Variants in PPP1CB observed in about 807,000 individuals in gnomAD.
The protein encoded by PPP1CB is serine/threonine-protein phosphatase PP1-beta catalytic subunit.
In PPP1CB, 2 loss-of-function variants were observed where a neutral mutation model predicts 43.7. The observed-to-expected ratio is 0.05, with a 90% confidence interval of 0.02 to 0.14. The LOEUF (loss-of-function observed/expected upper bound fraction) is 0.14, where lower values mean the gene tolerates loss of function less well. Ranked by LOEUF, PPP1CB falls within the 10% of genes least tolerant of loss-of-function variation. The pLI is 1.00. For missense variants in PPP1CB, 84 were observed against 398.0 expected, an observed-to-expected ratio of 0.21 and a Z score of 6.71; for synonymous variants, 136 against 135.6, an observed-to-expected ratio of 1.00 and a Z score of -0.02.
chr2:28,764,024 A>G (rs1370467688), intron 1 of PPP1CB, among the ~76,000 whole-genome samples: 1 of 152,072 alleles, frequency 6.6e-6, no homozygotes, highest in African/African-American at 2.4e-5. Context: ...GTTAACAGGC[A>G]GTCCTAAGAT....
At chr2:28,772,866 C>T (rs1260196986) in intron 1 of PPP1CB, among the ~76,000 whole-genome samples, 1 of 152,148 alleles carries the variant, frequency 6.6e-6, no homozygotes, top group African/African-American at 2.4e-5. Flanking sequence ...TTTTGGATTT[C>T]AGATTAGGGA....
At position 28,800,226 on chromosome 2, in the gene PPP1CB, C is replaced by CTTTCTTTCTTTTTTTTTTTTTTTTTTT; in HGVS notation, c.*926_*927insCTTTCTTTTTTTTTTTTTTTTTTTTTT. On this transcript the variant is annotated 3_prime_UTR_variant, in exon 8 of 8. Coordinates refer to ENST00000395366, the MANE Select transcript of PPP1CB (RefSeq NM_002709.3). ...TTGGTTTTCTTTTTCTTTTTTCTTT[C>CTTTCTTTCTTTTTTTTTTTTTTTTTTT]TTTTTTTTTTTTTTTTTTTTTTTGA... 1.5e-5 allele frequency: 1 copy of CTTTCTTTCTTTTTTTTTTTTTTTTTTT among 65,628 alleles called. No homozygotes were observed. The highest frequency in any genetic ancestry group is 2.7e-5 in the Non-Finnish European group (1 of 36,888). 4.1% of individuals were successfully genotyped at this position (65,628 alleles called of 1,614,324 possible).
At chr2:28,793,383 G>T (rs190808289) in intron 6 of PPP1CB, among the ~76,000 whole-genome samples, 1 of 128,992 alleles carries the variant, frequency 7.8e-6, no homozygotes, top group Non-Finnish European at 1.8e-5. Flanking sequence ...TAAGCTCTTC[G>T]CAAAGTCGTT....
At chr2:28,757,727 A>T (rs1015900974) in intron 1 of PPP1CB, among the ~76,000 whole-genome samples, 5 of 152,148 alleles carry the variant, frequency 3.3e-5, no homozygotes, top group Non-Finnish European at 5.9e-5. Context: ...TGATTCAGAG[A>T]TTAGGTGTTT....
intron 2 of PPP1CB, 167 bp downstream of exon 2, chr2:28,777,149 G>T: frequency 1.6e-6 from 1 of 609,420 alleles, no homozygotes; most frequent in Non-Finnish European, 2.6e-6. Context: ...ACAAGTTACA[G>T]ACAAGATGAA....
chr2:28,787,988 T>TA (rs1491013296), intron 5 of PPP1CB, among the ~76,000 whole-genome samples: 18 of 151,080 alleles, frequency 1.2e-4, no homozygotes, highest in Middle Eastern at 3.4e-3. Context: ...CTTCCACATT[T>TA]AAAAAAAAAT....
In PPP1CB at chr2:28,800,833, ATCGTCT is replaced by A. The variant is rs1667599669; in HGVS notation, c.*1532_*1537del. The A allele has an allele frequency of 6.6e-6, 1 of 152,530 alleles. No homozygotes were observed. Among genetic ancestry groups the A allele is most frequent in the South Asian group, 2.1e-4 (1 of 4,830 alleles). The allele number at this position is 152,530 out of a possible 1,614,324, so 9.4% of individuals were successfully genotyped here. A position where few individuals can be genotyped will look rare whatever the true frequency, so the allele number is the denominator to read the frequency against. ...TAGATGTGACATTTTTGACCTTAAT[ATCGTCT>A]TTGAAAATGTTAAATTGAGAAACCT... On this transcript the variant is annotated 3_prime_UTR_variant, in exon 8 of 8. Coordinates refer to ENST00000395366, the MANE Select transcript of PPP1CB (RefSeq NM_002709.3).
chr2:28,774,321 C>G (rs983813345), intron 1 of PPP1CB, among the ~76,000 whole-genome samples: 4 of 152,220 alleles, frequency 2.6e-5, no homozygotes, highest in African/African-American at 4.8e-5. Context: ...AACTAATACA[C>G]AGTAGACTCT....
intron 1 of PPP1CB, among the ~76,000 whole-genome samples, chr2:28,767,711 T>C (rs1572450542): frequency 6.6e-6 from 1 of 152,232 alleles, no homozygotes; most frequent in African/African-American, 2.4e-5. Flanking sequence ...CATTAAACTT[T>C]ATGGCCACCA....
At chr2:28,770,610 T>A (rs1396500788) in intron 1 of PPP1CB, among the ~76,000 whole-genome samples, 1 of 152,108 alleles carries the variant, frequency 6.6e-6, no homozygotes, top group Admixed American at 6.5e-5. Flanking sequence ...TGACAACTAT[T>A]ATAAAAAGTT....
intron 5 of PPP1CB, 100 bp downstream of exon 5, chr2:28,784,078 AAG>A (rs1301162063): frequency 6.8e-6 from 6 of 878,124 alleles, no homozygotes; most frequent in Non-Finnish European, 1.1e-5. Context: ...TAATAAATAA[AAG>A]AGCTTTTTTC....
chr2:28,796,625 G>A (rs1667502608), intron 7 of PPP1CB, among the ~76,000 whole-genome samples: 1 of 152,068 alleles, frequency 6.6e-6, no homozygotes. Context: ...CATTGATTTT[G>A]TATCCTGAAA....
chr2:28,794,678 G>A (rs571089796), intron 7 of PPP1CB, among the ~76,000 whole-genome samples: 4 of 152,052 alleles, frequency 2.6e-5, no homozygotes, highest in South Asian at 2.1e-4. Flanking sequence ...GCGACAGAGC[G>A]AGACTTGGCC....
chr2:28,782,432 A>G (rs1270532392), intron 4 of PPP1CB: 1 of 152,694 alleles, frequency 6.5e-6, no homozygotes, highest in Non-Finnish European at 1.5e-5. Context: ...CCTGTTGCTA[A>G]GATACATTTA....
intron 1 of PPP1CB, among the ~76,000 whole-genome samples, chr2:28,764,367 G>A (rs1360990751): frequency 6.6e-6 from 1 of 151,512 alleles, no homozygotes; most frequent in East Asian, 2.0e-4. Context: ...GGCTGAGGCA[G>A]GAGAATGGCG....
rs1666319057 is a variant in PPP1CB at position 28,752,251 on chromosome 2, G to A, written c.52+75G>A. 5.3e-6 allele frequency: 7 copies of A among 1,312,800 alleles called. 1 individual carries two copies. In the African/African-American group the frequency reaches 9.2e-5, roughly 17 times the overall value. 81.3% of individuals were successfully genotyped at this position (1,312,800 alleles called of 1,614,324 possible). On this transcript the variant is annotated intron_variant, in intron 1 of 7. Coordinates refer to ENST00000395366, the MANE Select transcript of PPP1CB (RefSeq NM_002709.3). ...GACCCCTGCGTCCCCGTCTGCCGCC[G>A]GAACGCGAGGGGACCCCTTTCCCGC...
intron 1 of PPP1CB, among the ~76,000 whole-genome samples, chr2:28,776,033 A>T (rs1377029127): frequency 6.6e-6 from 1 of 151,994 alleles, no homozygotes; most frequent in African/African-American, 2.4e-5. Context: ...TAGAGATAGG[A>T]GTTGCTAAAA....
chr2:28,778,280 TAATA>T (rs1424673584), intron 2 of PPP1CB: 3 of 456,680 alleles, frequency 6.6e-6, no homozygotes, highest in African/African-American at 4.0e-5. Flanking sequence ...TATTGTTGTA[TAATA>T]AATCATTCCA....
intron 7 of PPP1CB, among the ~76,000 whole-genome samples, chr2:28,795,630 TTTGCCCA>T (rs1426646810): frequency 2.0e-5 from 3 of 152,236 alleles, no homozygotes; most frequent in Non-Finnish European, 4.4e-5. Flanking sequence ...GTTCATGTCC[TTTGCCCA>T]TTTTTAATGG....
Sources: gnomAD v4.1 joint callset for allele counts (sites outside exome capture counted in the v4.1 genomes callset) on GRCh38, gnomAD v4.1.1 for gene constraint, MANE v1.5 for transcripts, NCBI Gene and HGNC (gene_info 2026-07-23, HGNC 2026-07-21) for gene names.